Variants in PARP16 observed in about 807,000 individuals in gnomAD.
PARP16 encodes protein mono-ADP-ribosyltransferase PARP16.
In PARP16, 31 loss-of-function variants were observed where a neutral mutation model predicts 35.0. The ratio of observed to expected loss-of-function variants is 0.88; its 90% CI spans 0.66 to 1.19. The LOEUF (loss-of-function observed/expected upper bound fraction) is 1.19, where lower values mean the gene tolerates loss of function less well. Ranked by LOEUF, PARP16 falls within the 50% of genes most tolerant of loss-of-function variation. The pLI is 0.00. For missense variants in PARP16, 424 were observed against 411.2 expected (o/e 1.03, Z -0.27); for synonymous variants, 162 against 169.5 (o/e 0.96, Z 0.34).
chr15:65,258,246 C>T lies in PARP16; in HGVS notation c.*1161G>A, dbSNP rs1246833373. Reference sequence around the variant, plus strand: ...ATGTCACTCCCAAATCGTACCGGGCCCTATTATGGCTAAAACCCAGCAGGA... The same window carrying T: ...ATGTCACTCCCAAATCGTACCGGGCTCTATTATGGCTAAAACCCAGCAGGA... On this transcript the variant is annotated 3_prime_UTR_variant, in exon 6 of 6. Coordinates refer to ENST00000649807, the MANE Select transcript of PARP16 (RefSeq NM_001316943.2). The T allele has an allele frequency of 6.6e-6, 1 of 152,184 alleles. No homozygotes were observed. The highest frequency in any genetic ancestry group is 1.5e-5 in the Non-Finnish European group (1 of 68,050). The allele number at this position is 152,184 out of a possible 1,614,324, so 9.4% of individuals were successfully genotyped here. A position where few individuals can be genotyped will look rare whatever the true frequency, so the allele number is the denominator to read the frequency against.
At chr15:65,261,058 G>T in intron 4 of PARP16, 32 bp from the exon 5 acceptor site, 1 of 1,600,568 alleles carries the variant, frequency 6.2e-7, no homozygotes, top group Non-Finnish European at 8.6e-7. Flanking sequence ...CATCTTCACT[G>T]GGGGAAACAG....
At chr15:65,271,110 G>A (rs779381839) in intron 1 of PARP16, 38 bp from the exon 2 acceptor site, 20 of 1,611,694 alleles carry the variant, frequency 1.2e-5, no homozygotes, top group Admixed American at 1.7e-5. Context: ...CAAGGATCCC[G>A]GACACAGTGA....
At chr15:65,242,226 A>G (rs995836082) in intron 3 of PARP16, among the ~76,000 whole-genome samples, 3 of 152,086 alleles carry the variant, frequency 2.0e-5, no homozygotes, top group African/African-American at 7.2e-5. Context: ...TCAGTGATCT[A>G]TATGTTTATC....
At chr15:65,238,483 C>T (rs958581488) in intron 3 of PARP16, among the ~76,000 whole-genome samples, 4 of 152,086 alleles carry the variant, frequency 2.6e-5, no homozygotes, top group African/African-American at 9.7e-5. Context: ...TCCTGGATTT[C>T]TCCATTTCCC....
chr15:65,261,164 A>G (rs1326059954), intron 4 of PARP16, 138 bp from the exon 5 acceptor site: 2 of 684,404 alleles, frequency 2.9e-6, no homozygotes, highest in East Asian at 5.5e-5. Context: ...CTGTGTGTGC[A>G]TGAAGCAGCA....
chr15:65,285,022 G>C (rs756813331), intron 1 of PARP16, among the ~76,000 whole-genome samples: 3 of 151,676 alleles, frequency 2.0e-5, no homozygotes, highest in Admixed American at 2.0e-4. Context: ...GGTCTCAAAC[G>C]ATCCTCTTGC....
chr15:65,285,738 G>A (rs2090571674), intron 1 of PARP16: 1 of 172,228 alleles, frequency 5.8e-6, no homozygotes, highest in African/African-American at 2.4e-5. Flanking sequence ...ACCCAGAGGT[G>A]AACTCTGCAA....
At chr15:65,251,290 T>C (rs1240646697) in intron 2 of PARP16, among the ~76,000 whole-genome samples, 1 of 152,146 alleles carries the variant, frequency 6.6e-6, no homozygotes, top group African/African-American at 2.4e-5. Flanking sequence ...AATTCACACC[T>C]TTCTATAGTT....
Position 65,286,413 on chromosome 15 carries a change from C to T in PARP16, c.14G>A (p.Gly5Asp). MQPS[G>D]WAAAREAAGR... Reference sequence around the variant, plus strand: ...CGCCGCCTCCCTGGCGGCCGCCCAGCCTGAGGGCTGCATCCCAGGTCACTG... The same window carrying T: ...CGCCGCCTCCCTGGCGGCCGCCCAGTCTGAGGGCTGCATCCCAGGTCACTG... The change falls in exon 1 of 6, where the codon GGC becomes GAC. Residue 5 changes from glycine (G) to aspartate (D), a missense_variant. Physicochemically the swap from Gly to Asp is moderately conservative, Grantham distance 94 (BLOSUM62 -1). Coordinates refer to ENST00000649807, the MANE Select transcript of PARP16 (RefSeq NM_001316943.2). 1 of 1,533,344 alleles carries T rather than the reference C, an allele frequency of 6.5e-7. No homozygotes were observed. The highest frequency in any genetic ancestry group is 8.7e-7 in the Non-Finnish European group (1 of 1,144,196). The allele number at this position is 1,533,344 out of a possible 1,614,324, so 95.0% of individuals were successfully genotyped here.
rs550203002 is a variant in PARP16 at position 65,250,180 on chromosome 15, C to A, written c.203-1952G>T. 2.9e-5 allele frequency among the ~76,000 whole-genome samples: 4 copies of A among 137,790 alleles called. No homozygotes were observed. In the South Asian group the frequency reaches 6.7e-4, roughly 23 times the overall value. The allele number at this position is 137,790 out of a possible 152,430, so 90.4% of individuals were successfully genotyped here. On this transcript the variant is annotated intron_variant and NMD_transcript_variant, in intron 2 of 3. Transcript: ENST00000559805. ...TTATCCAGGCTGGAGTGCAATGGTG[C>A]GACCTCAGCTCACTGCAACCCCCGC...
intron 3 of PARP16, among the ~76,000 whole-genome samples, chr15:65,246,001 T>C (rs1002963916): frequency 6.6e-6 from 1 of 152,072 alleles, no homozygotes. Flanking sequence ...TACTCCCATC[T>C]CCAGGGTAAC....
chr15:65,247,936 C>T (rs2089254469), intron 3 of PARP16, among the ~76,000 whole-genome samples: 1 of 151,792 alleles, frequency 6.6e-6, no homozygotes, highest in East Asian at 1.9e-4. Flanking sequence ...TCCTGAGTAG[C>T]TGGGACTACA....
rs960101078 is a variant in PARP16 at position 65,259,264 on chromosome 15, A to T, written c.*143T>A. On this transcript the variant is annotated 3_prime_UTR_variant, in exon 6 of 6. Coordinates refer to ENST00000649807, the MANE Select transcript of PARP16 (RefSeq NM_001316943.2). Reference sequence around the variant, plus strand: ...GGGAACATCATCAAAGGCAATGGATACATTTAGGCCATATGAAAATTGTCC... The same window carrying T: ...GGGAACATCATCAAAGGCAATGGATTCATTTAGGCCATATGAAAATTGTCC... 1.9e-5 allele frequency: 14 copies of T among 724,302 alleles called. No individual in the cohort carries two copies. Among genetic ancestry groups the T allele is most frequent in the Non-Finnish European group, 3.4e-5 (14 of 412,594 alleles). 44.9% of individuals were successfully genotyped at this position (724,302 alleles called of 1,614,324 possible). A position where few individuals can be genotyped will look rare whatever the true frequency, so the allele number is the denominator to read the frequency against.
intron 3 of PARP16, among the ~76,000 whole-genome samples, chr15:65,239,781 C>G (rs2088999539): frequency 6.6e-6 from 1 of 150,616 alleles, no homozygotes; most frequent in Non-Finnish European, 1.5e-5. Flanking sequence ...CTCAGCCTCC[C>G]GAGTAGCTGG....
chr15:65,251,709 C>T (rs1277585771), intron 2 of PARP16, among the ~76,000 whole-genome samples: 9 of 150,308 alleles, frequency 6.0e-5, no homozygotes, highest in East Asian at 1.9e-4. Flanking sequence ...TCTCAAAACT[C>T]GTGGCTCATT....
intron 1 of PARP16, among the ~76,000 whole-genome samples, chr15:65,280,738 C>T (rs982913414): frequency 3.9e-5 from 6 of 151,954 alleles, no homozygotes; most frequent in African/African-American, 1.2e-4. Flanking sequence ...AGCTTATATG[C>T]GCTTTAACCC....
At chr15:65,248,023 C>G in intron 3 of PARP16, 1 of 372,506 alleles carries the variant, frequency 2.7e-6, no homozygotes, top group Non-Finnish European at 5.3e-6. Flanking sequence ...CCAGGATGGT[C>G]TCGATCTCCT....
chr15:65,259,635 T>G, intron 5 of PARP16, 93 bp from the exon 6 acceptor site: 1 of 1,201,860 alleles, frequency 8.3e-7, no homozygotes, highest in Non-Finnish European at 1.2e-6. Context: ...GAAGACAAAA[T>G]GATGAATTTC....
chr15:65,270,064 G>A (rs1244187879), intron 2 of PARP16, among the ~76,000 whole-genome samples: 1 of 152,156 alleles, frequency 6.6e-6, no homozygotes, highest in Non-Finnish European at 1.5e-5. Flanking sequence ...AGAATCCAAG[G>A]TACCAAATTC....
Sources: allele counts gnomAD v4.1 joint callset (sites outside exome capture counted in the v4.1 genomes callset), GRCh38; gene constraint gnomAD v4.1.1; transcripts MANE v1.5; gene names NCBI Gene and HGNC (gene_info 2026-07-23, HGNC 2026-07-21).